Variants in CREBBP observed in about 807,000 individuals in gnomAD.
CREBBP encodes CREB-binding protein.
Under a neutral mutation model 265.0 loss-of-function variants are expected in CREBBP, and 19 were observed. The observed-to-expected ratio is 0.07, with a 90% CI of 0.05 to 0.11. CREBBP has a LOEUF of 0.11. Among genes scored for constraint, CREBBP ranks in the 10% least tolerant of loss-of-function variants. The pLI is 1.00. For missense variants in CREBBP, 2,525 were observed against 3,219.0 expected (o/e 0.78, Z 5.22); for synonymous variants, 1,457 against 1,223.7 (o/e 1.19, Z -3.98).
At chr16:3,813,272 G>A (rs2053972193) in intron 2 of CREBBP, among the ~76,000 whole-genome samples, 1 of 152,142 alleles carries the variant, frequency 6.6e-6, no homozygotes, top group African/African-American at 2.4e-5. Flanking sequence ...GTCACCACTA[G>A]GTGCTCTACT....
At chr16:3,783,319 C>G (rs1411773948) in intron 5 of CREBBP, among the ~76,000 whole-genome samples, 1 of 152,210 alleles carries the variant, frequency 6.6e-6, no homozygotes, top group Non-Finnish European at 1.5e-5. Context: ...CTGAGATGAA[C>G]AGAGGAGCCC....
At chr16:3,848,171 G>GAAA (rs573387424) in intron 2 of CREBBP, among the ~76,000 whole-genome samples, 1 of 114,908 alleles carries the variant, frequency 8.7e-6, no homozygotes. Context: ...CTCCATCTCA[G>GAAA]AAAAAAAAAA....
chr16:3,749,733 G>A (rs2151368779), intron 20 of CREBBP, 50 bp from the exon 21 acceptor site: 1 of 1,240,618 alleles, frequency 8.1e-7, no homozygotes, highest in Non-Finnish European at 1.2e-6. Flanking sequence ...TTTATCTGTT[G>A]AGTATAAACT....
chr16:3,763,424 G>T (rs553917748), intron 16 of CREBBP, among the ~76,000 whole-genome samples: 1 of 152,014 alleles, frequency 6.6e-6, no homozygotes, highest in African/African-American at 2.4e-5. Flanking sequence ...GCCTCCAAAA[G>T]TGCTGGAGTT....
Position 3,770,868 on chromosome 16 carries a change from G to T in CREBBP, c.2582C>A (p.Ser861Tyr). The T allele has an allele frequency of 6.2e-7, 1 of 1,613,958 alleles. No individual in the cohort carries two copies. The highest frequency in any genetic ancestry group is 8.5e-7 in the Non-Finnish European group (1 of 1,180,014). ...SPLHPTPPPA[S>Y]TAAGMPSLQH... ...GAGAGATGGCATGCCAGCAGCCGTG[G>T]AAGCAGGAGGCGGTGTTGGGTGCAG... The change falls in exon 14 of 31, where the codon TCC (serine) becomes TAC (tyrosine). Residue 861 changes from serine to tyrosine, a missense_variant. Coordinates refer to ENST00000262367, the MANE Select transcript of CREBBP (RefSeq NM_004380.3).
In CREBBP at chr16:3,879,999, T is replaced by TGCGAGGGAGAGGAGCGAGCGCGGGCC; in HGVS notation, c.-109_-84dup. 1 of 1,373,120 alleles carries TGCGAGGGAGAGGAGCGAGCGCGGGCC rather than the reference T, an allele frequency of 7.3e-7. No individual in the cohort carries two copies. Among genetic ancestry groups the TGCGAGGGAGAGGAGCGAGCGCGGGCC allele is most frequent in the Non-Finnish European group, 9.9e-7 (1 of 1,009,788 alleles). 85.1% of individuals were successfully genotyped at this position (1,373,120 alleles called of 1,614,324 possible). ...GACGGGGGTCGGGGGCCCTGCCGGC[T>TGCGAGGGAGAGGAGCGAGCGCGGGCC]GCGAGGGAGAGGAGCGAGCGCGGGC... On this transcript the variant is annotated 5_prime_UTR_variant, in exon 1 of 31. Coordinates refer to ENST00000262367, the MANE Select transcript of CREBBP (RefSeq NM_004380.3).
intron 2 of CREBBP, among the ~76,000 whole-genome samples, chr16:3,834,986 G>A (rs191493666): frequency 7.8e-4 from 118 of 152,114 alleles, no homozygotes; most frequent in African/African-American, 2.8e-3. Context: ...GTGAAACCCC[G>A]TCTCTAGTAA....
In CREBBP at chr16:3,735,370, C is replaced by T. The variant is rs574004432; in HGVS notation, c.4728+666G>A. On this transcript the variant is annotated intron_variant, in intron 28 of 30. Coordinates refer to ENST00000262367, the MANE Select transcript of CREBBP (RefSeq NM_004380.3). ...GGAGTGCAACGGCGCAATCTAGGCT[C>T]ACTGCAACCTCCGCCTCCCGGGTTC... is the stretch of plus-strand genomic sequence containing the variant. 3.9e-5 allele frequency among the ~76,000 whole-genome samples: 6 copies of T among 152,224 alleles called. No individual in the cohort carries two copies. The East Asian group carries it at 1.2e-3, about 29-fold the overall frequency.
At chr16:3,849,422 T>TGTGTGTGTGTGTGTGTGTGTG (rs2054745959) in intron 2 of CREBBP, among the ~76,000 whole-genome samples, 1 of 7,078 alleles carries the variant, frequency 1.4e-4, no homozygotes, top group African/African-American at 1.7e-4. Flanking sequence ...TGTGTGTGTG[T>TGTGTGTGTGTGTGTGTGTGTG]GTGTGTGTGT....
intron 3 of CREBBP, among the ~76,000 whole-genome samples, chr16:3,807,282 T>C (rs2053849483): frequency 6.6e-6 from 1 of 152,174 alleles, no homozygotes; most frequent in South Asian, 2.1e-4. Flanking sequence ...ACCACGTGGC[T>C]AAATCACTCC....
At chr16:3,730,894 C>T (rs1257181028) in intron 30 of CREBBP, among the ~76,000 whole-genome samples, 3 of 152,226 alleles carry the variant, frequency 2.0e-5, no homozygotes, top group East Asian at 1.9e-4. Flanking sequence ...GCCAACAGGA[C>T]AGCGGGTGTT....
chr16:3,771,915 A>G (rs1257616999), intron 13 of CREBBP, among the ~76,000 whole-genome samples: 1 of 150,564 alleles, frequency 6.6e-6, no homozygotes, highest in Non-Finnish European at 1.5e-5. Flanking sequence ...GGTTCCAGTG[A>G]TTCTCCTGCC....
intron 23 of CREBBP, chr16:3,741,123 G>C: frequency 6.0e-6 from 1 of 167,808 alleles, no homozygotes; most frequent in East Asian, 1.6e-4. Context: ...CCTTGGCGAG[G>C]GCAGCCTTTC....
At chr16:3,794,509 TA>T (rs1331768725) in intron 3 of CREBBP, among the ~76,000 whole-genome samples, 1 of 152,186 alleles carries the variant, frequency 6.6e-6, no homozygotes, top group African/African-American at 2.4e-5. Flanking sequence ...TTACCTCTCC[TA>T]AAAGAATAAT....
intron 2 of CREBBP, among the ~76,000 whole-genome samples, chr16:3,829,177 T>C (rs895024486): frequency 6.6e-6 from 1 of 152,152 alleles, no homozygotes; most frequent in Non-Finnish European, 1.5e-5. Flanking sequence ...TTTTAAAATA[T>C]AGCAAAAATA....
At chr16:3,852,152 AATTTG>A (rs1567364344) in intron 1 of CREBBP, among the ~76,000 whole-genome samples, 4 of 116,416 alleles carry the variant, frequency 3.4e-5, no homozygotes, top group African/African-American at 1.2e-4. Flanking sequence ...GCCAATCTTA[AATTTG>A]TTTTTTTTTT....
intron 30 of CREBBP, among the ~76,000 whole-genome samples, chr16:3,730,145 G>T (rs1185288791): frequency 6.6e-6 from 1 of 152,152 alleles, no homozygotes; most frequent in African/African-American, 2.4e-5. Context: ...TGCTCCCAAG[G>T]ACCTTCACTC....
chr16:3,866,498 A>C (rs2055181053), intron 1 of CREBBP, among the ~76,000 whole-genome samples: 1 of 152,226 alleles, frequency 6.6e-6, no homozygotes, highest in African/African-American at 2.4e-5. Flanking sequence ...AATTAACTAA[A>C]ACTTTGCTTC....
At chr16:3,768,400 G>C (rs1026053735) in intron 15 of CREBBP, among the ~76,000 whole-genome samples, 2 of 152,022 alleles carry the variant, frequency 1.3e-5, no homozygotes, top group African/African-American at 4.8e-5. Context: ...ACCTGCCTCG[G>C]CCTCCCAAAG....
Sources: allele counts gnomAD v4.1 joint callset (sites outside exome capture counted in the v4.1 genomes callset), GRCh38; gene constraint gnomAD v4.1.1; transcripts MANE v1.5; gene names NCBI Gene and HGNC (gene_info 2026-07-23, HGNC 2026-07-21).